Variants in ANKS1B observed in about 807,000 individuals in gnomAD.
ANKS1B encodes the protein ankyrin repeat and sterile alpha motif domain containing 1B, also known as ankyrin repeat and sterile alpha motif domain-containing protein 1B.
A neutral mutation model predicts 148.3 loss-of-function variants in ANKS1B; 36 were observed. The observed-to-expected ratio is 0.24, with a 90% confidence interval of 0.19 to 0.32. The LOEUF (loss-of-function observed/expected upper bound fraction) is 0.32, where lower values mean the gene tolerates loss of function less well. ANKS1B is among the 10% of genes least tolerant of loss of function. The pLI, the probability that ANKS1B is intolerant of heterozygous loss-of-function variation, is 1.00. For synonymous variants in ANKS1B, 542 were observed against 560.8 expected (o/e 0.97, Z 0.47); for missense variants, 1,157 against 1,542.6 (o/e 0.75, Z 4.19).
Position 98,745,487 on chromosome 12 carries a change from G to A in ANKS1B, c.*252C>T, listed in dbSNP as rs1184630962. The A allele has an allele frequency of 8.5e-7, 1 of 1,172,198 alleles. No homozygotes were observed. The highest frequency in any genetic ancestry group is 1.1e-6 in the Non-Finnish European group (1 of 947,356). 72.6% of individuals were successfully genotyped at this position (1,172,198 alleles called of 1,614,324 possible). A position where few individuals can be genotyped will look rare whatever the true frequency, so the allele number is the denominator to read the frequency against. On this transcript the variant is annotated 3_prime_UTR_variant, in exon 27 of 27. Coordinates refer to ENST00000683438, the MANE Select transcript of ANKS1B (RefSeq NM_001352186.2). Reference sequence around the variant, plus strand: ...ATACCTTGGGAGGTGGTGGGGAGGGGAGTCGGGAGCATCAGGGAAAACCCA... The same window carrying A: ...ATACCTTGGGAGGTGGTGGGGAGGGAAGTCGGGAGCATCAGGGAAAACCCA...
chr12:99,960,694 G>C lies in ANKS1B; in HGVS notation c.134+23410C>G, dbSNP rs183370393. Among the ~76,000 whole-genome samples the C allele has an allele frequency of 8.1e-3, 1,238 of 152,148 alleles. 15 individuals are homozygous for C. Among genetic ancestry groups the C allele is most frequent in the African/African-American group, 0.028 (1,174 of 41,482 alleles). On this transcript the variant is annotated intron_variant, in intron 1 of 26. Transcript: ENST00000683438. ...TGTTGGCGGCCCTTAGTCAACTAAG[G>C]GTTTGCGAAAATTTTCCAAATGGGT...
intron 1 of ANKS1B, among the ~76,000 whole-genome samples, chr12:99,946,006 T>C (rs2095051624): frequency 6.6e-6 from 1 of 152,146 alleles, no homozygotes; most frequent in East Asian, 1.9e-4. Context: ...GCAGAGCCAA[T>C]ATCTGGAGGG....
intron 9 of ANKS1B, chr12:99,648,682 G>A: frequency 1.2e-6 from 2 of 1,614,162 alleles, no homozygotes; most frequent in Non-Finnish European, 1.7e-6. Flanking sequence ...GGAAAACCTT[G>A]TTTACATCCT....
At chr12:99,574,460 A>G (rs2097495747) in intron 9 of ANKS1B, among the ~76,000 whole-genome samples, 1 of 152,138 alleles carries the variant, frequency 6.6e-6, no homozygotes, top group South Asian at 2.1e-4. Flanking sequence ...TGTTATACAG[A>G]TACCAAAATC....
At chr12:98,753,870 C>G (rs1490551453) in intron 25 of ANKS1B, among the ~76,000 whole-genome samples, 1 of 152,228 alleles carries the variant, frequency 6.6e-6, no homozygotes, top group Non-Finnish European at 1.5e-5. Context: ...ATCAAGCGCT[C>G]TGGGAGCCCG....
At chr12:99,852,713 C>A (rs1269032242) in intron 1 of ANKS1B, among the ~76,000 whole-genome samples, 1 of 152,188 alleles carries the variant, frequency 6.6e-6, no homozygotes, top group African/African-American at 2.4e-5. Context: ...CAAGAGAATG[C>A]ACAGACCCTT....
intron 22 of ANKS1B, chr12:98,794,364 C>A (rs2098925745): frequency 4.5e-6 from 1 of 221,540 alleles, no homozygotes; most frequent in Non-Finnish European, 8.4e-6. Flanking sequence ...TGCACTCCAG[C>A]CTGGGTGACA....
chr12:99,379,450 T>G (rs2152502068), intron 12 of ANKS1B, among the ~76,000 whole-genome samples: 1 of 152,312 alleles, frequency 6.6e-6, no homozygotes, highest in South Asian at 2.1e-4. Flanking sequence ...GTTGTGAGAA[T>G]TAAATTAGTG....
At chr12:98,913,088 G>C (rs1483001160) in intron 17 of ANKS1B, among the ~76,000 whole-genome samples, 5 of 152,102 alleles carry the variant, frequency 3.3e-5, no homozygotes, top group African/African-American at 4.8e-5. Context: ...ACCATTCAAA[G>C]CATTTGAATA....
chr12:99,138,957 CT>C (rs1165586281), intron 15 of ANKS1B, among the ~76,000 whole-genome samples: 1 of 151,662 alleles, frequency 6.6e-6, no homozygotes, highest in Admixed American at 6.6e-5. Flanking sequence ...CTTTCTCTCT[CT>C]TTTTTCTTTT....
intron 1 of ANKS1B, among the ~76,000 whole-genome samples, chr12:99,898,719 C>T (rs968738087): frequency 1.3e-5 from 2 of 152,220 alleles, no homozygotes; most frequent in African/African-American, 2.4e-5. Context: ...AACTGCTCTC[C>T]GCTTTAGCCC....
chr12:99,841,709 T>A (rs530041001), intron 1 of ANKS1B, among the ~76,000 whole-genome samples: 1 of 152,214 alleles, frequency 6.6e-6, no homozygotes, highest in East Asian at 1.9e-4. Flanking sequence ...TTTCTTACAT[T>A]AATTCTGTCA....
chr12:99,498,764 T>C (rs2152990013), intron 10 of ANKS1B, among the ~76,000 whole-genome samples: 1 of 152,268 alleles, frequency 6.6e-6, no homozygotes, highest in East Asian at 1.9e-4. Flanking sequence ...TGAGGGTCTC[T>C]AAAAGACTCG....
At chr12:98,805,129 T>G (rs1296626082) in intron 20 of ANKS1B, among the ~76,000 whole-genome samples, 2 of 152,154 alleles carry the variant, frequency 1.3e-5, no homozygotes, top group Non-Finnish European at 2.9e-5. Context: ...ATCAAAATGA[T>G]TCAAGGTACT....
At chr12:99,783,742 G>C (rs1159924263) in intron 4 of ANKS1B, among the ~76,000 whole-genome samples, 1 of 152,142 alleles carries the variant, frequency 6.6e-6, no homozygotes, top group Non-Finnish European at 1.5e-5. Flanking sequence ...GCAGGGAGAG[G>C]AGGATAGGGA....
At chr12:99,173,336 A>G (rs2078004398) in intron 14 of ANKS1B, among the ~76,000 whole-genome samples, 1 of 152,138 alleles carries the variant, frequency 6.6e-6, no homozygotes, top group Non-Finnish European at 1.5e-5. Context: ...TTCTACTAAT[A>G]TTGTGAAAAT....
chr12:98,823,836 A>G (rs1175985452), intron 19 of ANKS1B, among the ~76,000 whole-genome samples: 1 of 152,220 alleles, frequency 6.6e-6, no homozygotes, highest in African/African-American at 2.4e-5. Context: ...TGGTTGTGCT[A>G]TTTTCTGAAA....
intron 12 of ANKS1B, among the ~76,000 whole-genome samples, chr12:99,364,460 T>C (rs1331346540): frequency 6.6e-6 from 1 of 152,200 alleles, no homozygotes; most frequent in Non-Finnish European, 1.5e-5. Context: ...GCTATTATTG[T>C]TACTGCCATA....
At chr12:98,986,974 C>G (rs2177304) in intron 17 of ANKS1B, among the ~76,000 whole-genome samples, 3,188 of 151,968 alleles carry the variant, frequency 0.021, 116 homozygotes, top group African/African-American at 0.072. Context: ...ATATTTTTAC[C>G]TGGGCCATTC....
Sources: allele counts gnomAD v4.1 joint callset (sites outside exome capture counted in the v4.1 genomes callset), GRCh38; gene constraint gnomAD v4.1.1; transcripts MANE v1.5; gene names NCBI Gene and HGNC (gene_info 2026-07-23, HGNC 2026-07-21).